The following ZNF827 variants were observed in gnomAD, a reference collection of about 807,000 sequenced individuals.
ZNF827 encodes zinc finger protein 827.
In ZNF827, 13 loss-of-function variants were observed where a neutral mutation model predicts 102.4. That is an observed-to-expected ratio of 0.13 (90% CI 0.08 to 0.20). The LOEUF (loss-of-function observed/expected upper bound fraction) is 0.20. Among genes scored for constraint, ZNF827 ranks in the 10% least tolerant of loss-of-function variants. ZNF827 has a pLI of 1.00. For synonymous variants in ZNF827, 523 were observed against 536.2 expected, an observed-to-expected ratio of 0.98 and a Z score of 0.34; for missense variants, 1,103 against 1,344.4, an observed-to-expected ratio of 0.82 and a Z score of 2.81.
intron 4 of ZNF827, chr4:145,870,883 G>A (rs1355328046): frequency 6.0e-6 from 1 of 167,120 alleles, no homozygotes. Context: ...ACAAACATGA[G>A]TCAGAGGCAG....
chr4:145,918,607 G>A (rs1186748519), intron 1 of ZNF827, among the ~76,000 whole-genome samples: 3 of 151,916 alleles, frequency 2.0e-5, no homozygotes, highest in African/African-American at 7.3e-5. Context: ...TTGTGCCTCA[G>A]TTTCTTCATC....
At chr4:145,840,384 G>A (rs1418710296) in intron 7 of ZNF827, among the ~76,000 whole-genome samples, 1 of 152,186 alleles carries the variant, frequency 6.6e-6, no homozygotes, top group African/African-American at 2.4e-5. Context: ...GTGTACTAAG[G>A]GAGGGAGTCT....
chr4:145,915,962 C>T (rs1752637954), intron 1 of ZNF827, among the ~76,000 whole-genome samples: 1 of 152,208 alleles, frequency 6.6e-6, no homozygotes. Flanking sequence ...ACAGGGAAAA[C>T]AATATTACAT....
At position 145,838,842 on chromosome 4, in the gene ZNF827, T is replaced by G. The variant is rs538425376; in HGVS notation, c.2279+7114A>C. The stretch of plus-strand genomic sequence containing the variant: ...TATGTGCTCCTATATTATCTGGAAA[T>G]AAGTTACTTTTAAAAGTTAAAAACA... On this transcript the variant is annotated intron_variant, in intron 7 of 14. Coordinates refer to ENST00000508784, the MANE Select transcript of ZNF827 (RefSeq NM_001306215.2). Among the ~76,000 whole-genome samples, 4 of 152,328 alleles carry G rather than the reference T, an allele frequency of 2.6e-5. No homozygotes were observed. In the East Asian group the frequency reaches 7.7e-4, roughly 29 times the overall value.
At chr4:145,856,164 T>A (rs141188816) in intron 5 of ZNF827, among the ~76,000 whole-genome samples, 5 of 152,114 alleles carry the variant, frequency 3.3e-5, no homozygotes, top group African/African-American at 1.2e-4. Flanking sequence ...ACGGCTAATT[T>A]TTTGTATTTT....
chr4:145,778,224 C>G, intron 9 of ZNF827, among the ~76,000 whole-genome samples: 1 of 152,140 alleles, frequency 6.6e-6, no homozygotes, highest in East Asian at 1.9e-4. Context: ...ACTTCCACCT[C>G]CTGGGTTCAA....
chr4:145,850,134 C>T (rs1229293380), intron 5 of ZNF827, among the ~76,000 whole-genome samples: 3 of 151,922 alleles, frequency 2.0e-5, no homozygotes, highest in African/African-American at 4.8e-5. Context: ...CTCAGCCTCC[C>T]GAGTAGCTGG....
intron 2 of ZNF827, among the ~76,000 whole-genome samples, chr4:145,896,341 G>C (rs1361238711): frequency 6.6e-6 from 1 of 152,190 alleles, no homozygotes; most frequent in Non-Finnish European, 1.5e-5. Flanking sequence ...AGTCCATAGT[G>C]TGGCTCAGGT....
At chr4:145,900,573 T>C (rs4835266) in intron 2 of ZNF827, among the ~76,000 whole-genome samples, 74,781 of 151,604 alleles carry the variant, frequency 0.49, 18,838 homozygotes, top group East Asian at 0.81. Context: ...CCACGCCTGG[T>C]TAATTTTTGT....
intron 8 of ZNF827, among the ~76,000 whole-genome samples, chr4:145,786,593 C>T (rs1738902215): frequency 6.6e-6 from 1 of 152,132 alleles, no homozygotes; most frequent in South Asian, 2.1e-4. Context: ...TTAAAACCTA[C>T]CAGGTCATTT....
intron 8 of ZNF827, among the ~76,000 whole-genome samples, chr4:145,809,055 C>A (rs977010772): frequency 2.0e-5 from 3 of 152,206 alleles, no homozygotes; most frequent in Admixed American, 6.5e-5. Context: ...CCTGCCTTGG[C>A]TTCCCAAAGC....
In ZNF827 at chr4:145,761,397, G is replaced by A. The variant is rs1044048313; in HGVS notation, c.*219C>T. 2 of 1,289,820 alleles carry A rather than the reference G, an allele frequency of 1.6e-6. No individual in the cohort carries two copies. The highest frequency in any genetic ancestry group is 4.6e-5 in the Admixed American group (2 of 43,556). The allele number at this position is 1,289,820 out of a possible 1,614,324, so 79.9% of individuals were successfully genotyped here. Reference sequence around the variant, plus strand: ...GGACGCGCACGTGCTCGATGAGCTTGTTGGCGGTCTTGGACAGGTAGCCGC... The same window carrying A: ...GGACGCGCACGTGCTCGATGAGCTTATTGGCGGTCTTGGACAGGTAGCCGC... On this transcript the variant is annotated 3_prime_UTR_variant, in exon 15 of 15. Transcript: ENST00000508784. This position sits in a 1 kb window ranked among gnomAD's most constrained non-coding sequence, Gnocchi z 6.8.
chr4:145,904,355 A>G (rs1217782944), intron 1 of ZNF827, among the ~76,000 whole-genome samples: 1 of 152,242 alleles, frequency 6.6e-6, no homozygotes, highest in East Asian at 1.9e-4. Context: ...AAATTAATAA[A>G]TGGGTAAATA....
chr4:145,895,096 C>G (rs1579502397), intron 2 of ZNF827, among the ~76,000 whole-genome samples: 2 of 152,314 alleles, frequency 1.3e-5, no homozygotes, highest in South Asian at 4.1e-4. Context: ...GTCCCACTAT[C>G]AAATTCCTAA....
chr4:145,793,707 C>T (rs1027203842), intron 8 of ZNF827, among the ~76,000 whole-genome samples: 1 of 152,096 alleles, frequency 6.6e-6, no homozygotes, highest in East Asian at 1.9e-4. Flanking sequence ...CAAGTTGACA[C>T]TCAGTATTAA....
intron 1 of ZNF827, among the ~76,000 whole-genome samples, chr4:145,935,832 A>AGGTCAG (rs1207814421): frequency 1.3e-5 from 2 of 152,138 alleles, no homozygotes; most frequent in African/African-American, 4.8e-5. Context: ...TAGTCGCAGG[A>AGGTCAG]GGTCAGGGTC....
chr4:145,772,892 C>T (rs1274830807), intron 11 of ZNF827, among the ~76,000 whole-genome samples: 4 of 152,152 alleles, frequency 2.6e-5, no homozygotes, highest in Non-Finnish European at 5.9e-5. Flanking sequence ...GTGGTAATTA[C>T]GAGGTATGTG....
At chr4:145,777,367 G>T (rs937024775) in intron 9 of ZNF827, among the ~76,000 whole-genome samples, 2 of 152,116 alleles carry the variant, frequency 1.3e-5, no homozygotes, top group African/African-American at 4.8e-5. Flanking sequence ...AATAACATTG[G>T]AATTTCCTCT....
chr4:145,802,298 T>C (rs929885608), intron 8 of ZNF827, among the ~76,000 whole-genome samples: 4 of 152,196 alleles, frequency 2.6e-5, no homozygotes, highest in Admixed American at 2.0e-4. Context: ...TCCACTCAGA[T>C]ACAAAGCAGA....
Sources: gnomAD v4.1 joint callset for allele counts (sites outside exome capture counted in the v4.1 genomes callset) on GRCh38, gnomAD v4.1.1 for gene constraint, Gnocchi (gnomAD v3.1) non-coding constraint, MANE v1.5 for transcripts, NCBI Gene and HGNC (gene_info 2026-07-23, HGNC 2026-07-21) for gene names.